The following KCNS3 variants were observed in gnomAD, a reference collection of about 807,000 sequenced individuals.
KCNS3 encodes the protein delayed-rectifier potassium channel regulatory subunit KCNS3.
KCNS3 carries 13 observed loss-of-function variants against 31.0 expected under a neutral mutation model. That is an observed-to-expected ratio of 0.42 (90% CI 0.27 to 0.67). The LOEUF (loss-of-function observed/expected upper bound fraction) is 0.67, where lower values mean the gene tolerates loss of function less well. Among genes scored for constraint, KCNS3 ranks in the 30% least tolerant of loss-of-function variants. The pLI, the probability that KCNS3 is intolerant of heterozygous loss-of-function variation, is 0.25. For synonymous variants in KCNS3, 238 were observed against 241.5 expected, an observed-to-expected ratio of 0.99 and a Z score of 0.13; for missense variants, 545 against 622.4, an observed-to-expected ratio of 0.88 and a Z score of 1.32.
intron 1 of KCNS3, among the ~76,000 whole-genome samples, chr2:17,909,643 G>T (rs1403611631): frequency 6.6e-6 from 1 of 152,152 alleles, no homozygotes; most frequent in Non-Finnish European, 1.5e-5. Context: ...GCTAACTGAG[G>T]ATGTTCTTGT....
At chr2:17,896,033 T>C (rs1327285415) in intron 1 of KCNS3, among the ~76,000 whole-genome samples, 1 of 152,168 alleles carries the variant, frequency 6.6e-6, no homozygotes, top group Non-Finnish European at 1.5e-5. Flanking sequence ...CCTATGTTTT[T>C]ATTTCTTTTG....
At chr2:17,916,861 T>G (rs1662603023) in intron 1 of KCNS3, among the ~76,000 whole-genome samples, 1 of 133,014 alleles carries the variant, frequency 7.5e-6, no homozygotes, top group African/African-American at 2.8e-5. Context: ...CAATATTTTC[T>G]TCTTCTTCTT....
chr2:17,931,220 G>A lies in KCNS3; in HGVS notation c.212G>A (p.Arg71Gln), dbSNP rs1285784154. 7 of 1,614,060 alleles carry A rather than the reference G, an allele frequency of 4.3e-6. No homozygotes were observed. The highest frequency in any genetic ancestry group is 2.2e-5 in the East Asian group (1 of 44,892). Reference protein sequence around the residue: ...SVADKEYYFDRNPSLFRYVLN... With the variant: ...SVADKEYYFDQNPSLFRYVLN... ...GCCGATAAGGAGTACTACTTTGATCGGAATCCCTCCTTGTTCAGATATGTT... is the reference window on the plus strand; with the variant it reads ...GCCGATAAGGAGTACTACTTTGATCAGAATCCCTCCTTGTTCAGATATGTT... The change falls in exon 3 of 3, where the codon CGG becomes CAG. Residue 71 changes from arginine to glutamine, a missense_variant. By Grantham distance (43) the Arg-to-Gln change is conservative. Transcript: ENST00000304101. The surrounding 1 kb of genome is among the most constrained non-coding windows in gnomAD (Gnocchi z 5.4).
chr2:17,886,928 T>A (rs956807748), intron 1 of KCNS3, among the ~76,000 whole-genome samples: 4 of 146,634 alleles, frequency 2.7e-5, no homozygotes, highest in African/African-American at 1.1e-4. Flanking sequence ...ATGCAAAACC[T>A]GAGAACTTTG....
intron 1 of KCNS3, among the ~76,000 whole-genome samples, chr2:17,916,297 G>A (rs1024314237): frequency 1.3e-5 from 2 of 152,106 alleles, no homozygotes; most frequent in Non-Finnish European, 2.9e-5. Context: ...GGAATGCAGA[G>A]AACTGAGGCT....
chr2:17,916,008 C>G (rs1445492769), intron 1 of KCNS3, among the ~76,000 whole-genome samples: 1 of 151,708 alleles, frequency 6.6e-6, no homozygotes, highest in Non-Finnish European at 1.5e-5. Context: ...TGGCTAACCT[C>G]TCAGTCTGTC....
intron 1 of KCNS3, among the ~76,000 whole-genome samples, chr2:17,879,938 C>T (rs1461104853): frequency 6.6e-6 from 1 of 152,120 alleles, no homozygotes; most frequent in African/African-American, 2.4e-5. Flanking sequence ...TGTGGTTGGC[C>T]CGGAGCCTTC....
At chr2:17,888,290 C>T (rs1407256838) in intron 1 of KCNS3, among the ~76,000 whole-genome samples, 1 of 152,016 alleles carries the variant, frequency 6.6e-6, no homozygotes, top group Non-Finnish European at 1.5e-5. Flanking sequence ...CCATTGTTAT[C>T]TTCTAGAATT....
chr2:17,898,990 G>A (rs1662097197), intron 1 of KCNS3, among the ~76,000 whole-genome samples: 1 of 152,180 alleles, frequency 6.6e-6, no homozygotes, highest in Non-Finnish European at 1.5e-5. Context: ...CACTTTGGGA[G>A]TCTGAGGCCG....
Position 17,932,091 on chromosome 2 carries a change from G to T in KCNS3, c.1083G>T (p.Trp361Cys), listed in dbSNP as rs1162926294. The change falls in exon 3 of 3, where the codon TGG (tryptophan) becomes TGT (cysteine). Residue 361 changes from tryptophan (W) to cysteine (C), a missense_variant. Coordinates refer to ENST00000304101, the MANE Select transcript of KCNS3 (RefSeq NM_002252.5). ...GCCTCACCAGCATCCCCATCTGCTG[G>T]TGGTGGGCCACCATCAGCATGACAA... ...TSSLTSIPIC[W>C]WWATISMTTV... 3 of 1,613,914 alleles carry T rather than the reference G, an allele frequency of 1.9e-6. No homozygotes were observed. The highest frequency in any genetic ancestry group is 2.5e-6 in the Non-Finnish European group (3 of 1,180,006).
chr2:17,929,266 A>G (rs754529333), intron 2 of KCNS3, among the ~76,000 whole-genome samples: 2 of 152,194 alleles, frequency 1.3e-5, no homozygotes, highest in East Asian at 1.9e-4. Flanking sequence ...GGTAATTTAT[A>G]AAGATTTAAT....
intron 2 of KCNS3, among the ~76,000 whole-genome samples, chr2:17,918,426 G>A (rs879852403): frequency 6.6e-6 from 1 of 152,162 alleles, no homozygotes; most frequent in Non-Finnish European, 1.5e-5. Context: ...TCTATACTGG[G>A]CCTCTGTTCC....
intron 1 of KCNS3, among the ~76,000 whole-genome samples, chr2:17,914,709 A>T (rs1037701224): frequency 2.6e-5 from 4 of 152,206 alleles, no homozygotes; most frequent in African/African-American, 9.6e-5. Flanking sequence ...CCCTAACTGG[A>T]GGCTTTCTCA....
At chr2:17,917,365 A>G (rs1311318005) in intron 1 of KCNS3, among the ~76,000 whole-genome samples, 3 of 152,214 alleles carry the variant, frequency 2.0e-5, no homozygotes, top group African/African-American at 7.2e-5. Context: ...ATAAGAAACC[A>G]TGTGGGAGTA....
chr2:17,925,314 G>A (rs943848217), intron 2 of KCNS3, among the ~76,000 whole-genome samples: 7 of 152,174 alleles, frequency 4.6e-5, no homozygotes, highest in African/African-American at 1.4e-4. Context: ...ATTCTGATAA[G>A]AAACATTTAC....
At position 17,882,122 on chromosome 2, in the gene KCNS3, G is replaced by C. The variant is rs77393600; in HGVS notation, c.-252+3316G>C. 8.1e-3 allele frequency among the ~76,000 whole-genome samples: 1,240 copies of C among 152,328 alleles called. 11 individuals are homozygous for C. Among genetic ancestry groups the C allele is most frequent in the Middle Eastern group, 0.048 (14 of 294 alleles). ...TTATTGTATGGGTGCTAAGTGCCCA[G>C]TACTACAGGCAATGAAGGTAGGCAG... On this transcript the variant is annotated intron_variant, in intron 1 of 2. Transcript: ENST00000304101.
intron 1 of KCNS3, among the ~76,000 whole-genome samples, chr2:17,891,026 G>C (rs866859712): frequency 6.6e-6 from 1 of 152,050 alleles, no homozygotes; most frequent in Non-Finnish European, 1.5e-5. Flanking sequence ...GTAGAGTATC[G>C]ATGTCCCCTG....
At position 17,895,414 on chromosome 2, in the gene KCNS3, G is replaced by A. The variant is rs1235734470; in HGVS notation, c.-252+16608G>A. On this transcript the variant is annotated intron_variant, in intron 1 of 2. Coordinates refer to ENST00000304101, the MANE Select transcript of KCNS3 (RefSeq NM_002252.5). Reference sequence around the variant, plus strand: ...TACAACATGTCAGGTGCTCAGATGGGGTATAGAAAAACAACAGCTTAGTCA... The same window carrying A: ...TACAACATGTCAGGTGCTCAGATGGAGTATAGAAAAACAACAGCTTAGTCA... Among the ~76,000 whole-genome samples the A allele has an allele frequency of 2.0e-5, 3 of 152,010 alleles. No homozygotes were observed. The East Asian group carries it at 5.8e-4, about 29-fold the overall frequency.
intron 1 of KCNS3, among the ~76,000 whole-genome samples, chr2:17,915,767 G>C (rs920607917): frequency 6.6e-6 from 1 of 152,168 alleles, no homozygotes; most frequent in Non-Finnish European, 1.5e-5. Context: ...AATGCTCTTA[G>C]AGAGGTGCTA....
Sources: gnomAD v4.1 joint callset for allele counts (sites outside exome capture counted in the v4.1 genomes callset) on GRCh38, gnomAD v4.1.1 for gene constraint, Gnocchi (gnomAD v3.1) non-coding constraint, MANE v1.5 for transcripts, NCBI Gene and HGNC (gene_info 2026-07-23, HGNC 2026-07-21) for gene names.